Variants in KDM1A observed in about 807,000 individuals in gnomAD.
KDM1A encodes the protein lysine-specific histone demethylase 1A.
Under a neutral mutation model 109.4 loss-of-function variants are expected in KDM1A, and 49 were observed. The ratio of observed to expected loss-of-function variants is 0.45; its 90% CI spans 0.36 to 0.57. KDM1A has a LOEUF of 0.57. Among genes scored for constraint, KDM1A ranks in the 20% least tolerant of loss-of-function variants. The pLI, the probability that KDM1A is intolerant of heterozygous loss-of-function variation, is 0.00. For missense variants in KDM1A, 668 were observed against 1,116.6 expected (o/e 0.60, Z 5.73); for synonymous variants, 380 against 415.4 (o/e 0.91, Z 1.04).
chr1:23,048,028 T>A (rs1336932374), intron 3 of KDM1A, among the ~76,000 whole-genome samples: 3 of 152,234 alleles, frequency 2.0e-5, no homozygotes, highest in African/African-American at 7.2e-5. Context: ...CAGTGACTAC[T>A]TATTAAATGT....
intron 2 of KDM1A, among the ~76,000 whole-genome samples, chr1:23,038,158 C>A (rs1253792102): frequency 6.6e-6 from 1 of 152,086 alleles, no homozygotes; most frequent in Non-Finnish European, 1.5e-5. Context: ...CAGACAGACA[C>A]ACATACTGTG....
intron 1 of KDM1A, among the ~76,000 whole-genome samples, chr1:23,025,328 G>T (rs1641760125): frequency 9.1e-6 from 1 of 109,514 alleles, no homozygotes; most frequent in Admixed American, 9.0e-5. Context: ...GAAGATGAAA[G>T]ATTTTTTTTT....
intron 10 of KDM1A, 141 bp downstream of exon 10, chr1:23,066,212 T>C: frequency 1.6e-6 from 1 of 637,156 alleles, no homozygotes; most frequent in Non-Finnish European, 2.7e-6. Context: ...GTTGCGCCTA[T>C]ATGTTGGGCT....
chr1:23,081,307 T>A lies in KDM1A; in HGVS notation c.2171-139T>A, dbSNP rs1410379262. The A allele has an allele frequency of 3.2e-6, 3 of 951,370 alleles. No individual in the cohort carries two copies. In the East Asian group the frequency reaches 7.4e-5, roughly 23 times the overall value. The allele number at this position is 951,370 out of a possible 1,614,324, so 58.9% of individuals were successfully genotyped here. On this transcript the variant is annotated intron_variant, in intron 18 of 20. Transcript: ENST00000400181. ...TGTATGCTGTTTCAGAAACATAATC[T>A]GTCTCTTCGCATTTGAATGGTACTG...
At position 23,068,645 on chromosome 1, in the gene KDM1A, C is replaced by G; in HGVS notation, c.1286C>G (p.Pro429Arg). The G allele has an allele frequency of 6.3e-7, 1 of 1,591,884 alleles. No homozygotes were observed. Among genetic ancestry groups the G allele is most frequent in the South Asian group, 1.2e-5 (1 of 86,260 alleles). Reference sequence around the variant, plus strand: ...GACTTCAATGTCCTCAATAATAAGCCTGTGTCCCTTGGCCAGGCATTGGAA... The same window carrying G: ...GACTTCAATGTCCTCAATAATAAGCGTGTGTCCCTTGGCCAGGCATTGGAA... ...QLDFNVLNNK[P>R]VSLGQALEVV... The change falls in exon 11 of 21, where the codon CCT becomes CGT. Residue 429 changes from proline (P) to arginine (R), a missense_variant. Physicochemically the swap from Pro to Arg is moderately radical, Grantham distance 103 (BLOSUM62 -2). This residue lies in a region of KDM1A where 62 missense variants were observed against 82.8 expected (regional missense o/e 0.75). Transcript: ENST00000400181.
rs767499665 is a variant in KDM1A, at chr1:23,073,422, T to A, written c.1734+19T>A. The A allele has an allele frequency of 1.5e-6, 2 of 1,322,074 alleles. No individual in the cohort carries two copies. Among genetic ancestry groups the A allele is most frequent in the Non-Finnish European group, 2.2e-6 (2 of 915,512 alleles). 81.9% of individuals were successfully genotyped at this position (1,322,074 alleles called of 1,614,324 possible). ...GGATCAGGTAAGTTTCCCTTATTGT[T>A]TATTTTATTGCACATGCCTTTGAGA... On this transcript the variant is annotated intron_variant, in intron 15 of 20. Transcript: ENST00000400181.
chr1:23,055,845 A>C, intron 6 of KDM1A, 87 bp from the exon 7 acceptor site: 1 of 702,370 alleles, frequency 1.4e-6, no homozygotes, highest in Non-Finnish European at 2.3e-6. Flanking sequence ...TATTATGTTA[A>C]GAACCTAGAG....
intron 2 of KDM1A, chr1:23,044,221 A>G (rs1345543441): frequency 2.0e-6 from 1 of 505,926 alleles, no homozygotes; most frequent in African/African-American, 2.0e-5. Flanking sequence ...AACAAGAATC[A>G]ACATGTAAAG....
intron 1 of KDM1A, among the ~76,000 whole-genome samples, chr1:23,030,176 A>G (rs1641940027): frequency 6.6e-6 from 1 of 152,204 alleles, no homozygotes; most frequent in South Asian, 2.1e-4. Flanking sequence ...AGCATGATAC[A>G]CACAATTAAA....
At position 23,048,600 on chromosome 1, in the gene KDM1A, T is replaced by C. The variant is rs1642569943; in HGVS notation, c.578-1787T>C. ...TTTCTCCTGGTCTCTAAGAATAGTA[T>C]TTCTTAATGTGTGGCCCATGATTGG... On this transcript the variant is annotated intron_variant, in intron 3 of 20. Coordinates refer to ENST00000400181, the MANE Select transcript of KDM1A (RefSeq NM_001009999.3). Among the ~76,000 whole-genome samples, 4 of 152,164 alleles carry C rather than the reference T, an allele frequency of 2.6e-5. No individual in the cohort carries two copies. In the South Asian group the frequency reaches 6.2e-4, roughly 24 times the overall value.
intron 2 of KDM1A, among the ~76,000 whole-genome samples, chr1:23,040,186 A>G (rs1642265482): frequency 6.6e-6 from 1 of 152,222 alleles, no homozygotes; most frequent in Non-Finnish European, 1.5e-5. Context: ...ATTCCAAGAA[A>G]CTAGTCAAAA....
At position 23,050,410 on chromosome 1, in the gene KDM1A, A is replaced by C. The variant is rs1642632747; in HGVS notation, c.601A>C (p.Ser201Arg). Reference protein sequence around the residue: ...ASGVEGAAFQSRLPHDRMTSQ... With the variant: ...ASGVEGAAFQRRLPHDRMTSQ... ...AGGTGTGGAGGGCGCAGCTTTCCAG[A>C]GCCGACTTCCTCATGACCGGATGAC... Residue 201 changes from serine to arginine, a missense_variant, in exon 4 of 21, where the codon AGC becomes CGC. By Grantham distance (110) the Ser-to-Arg change is moderately radical. Around this residue, in one of 8 missense-constraint regions of KDM1A, gnomAD observed 149 missense variants for 189.7 expected, o/e 0.79. Transcript: ENST00000400181. 6.2e-7 allele frequency: 1 copy of C among 1,611,950 alleles called. No homozygotes were observed. The highest frequency in any genetic ancestry group is 8.5e-7 in the Non-Finnish European group (1 of 1,179,068).
intron 2 of KDM1A, among the ~76,000 whole-genome samples, chr1:23,037,629 A>G (rs1642188270): frequency 6.6e-6 from 1 of 152,198 alleles, no homozygotes; most frequent in African/African-American, 2.4e-5. Context: ...CATGTTGTAT[A>G]ATAGCTCTCT....
intron 4 of KDM1A, among the ~76,000 whole-genome samples, chr1:23,052,178 G>A (rs879509110): frequency 2.0e-5 from 3 of 152,218 alleles, no homozygotes; most frequent in Non-Finnish European, 4.4e-5. Flanking sequence ...GTTTCCCGAT[G>A]TTAGATTTGT....
At chr1:23,049,439 T>G (rs1642598024) in intron 3 of KDM1A, among the ~76,000 whole-genome samples, 1 of 152,022 alleles carries the variant, frequency 6.6e-6, no homozygotes, top group Non-Finnish European at 1.5e-5. Flanking sequence ...TAACATGTTT[T>G]TTGGGAGGTT....
At position 23,082,360 on chromosome 1, in the gene KDM1A, C is replaced by T. The variant is rs1439496958; in HGVS notation, c.2439C>T (p.Ala813=). The T allele has an allele frequency of 6.2e-7, 1 of 1,612,658 alleles. No individual in the cohort carries two copies. Among genetic ancestry groups the T allele is most frequent in the Non-Finnish European group, 8.5e-7 (1 of 1,179,154 alleles). The change falls in exon 20 of 21, where the codon GCC becomes GCT. Residue 813 remains alanine, a synonymous_variant. Transcript: ENST00000400181. Reference sequence around the variant, plus strand: ...CTCCTGGCCCCTCGATTCCAGGTGCCCCACAGGTGAGAAGCTGGCAAACTA... The same window carrying T: ...CTCCTGGCCCCTCGATTCCAGGTGCTCCACAGGTGAGAAGCTGGCAAACTA... ...PITPGPSIPG[A]PQPIPRLFFA...
At chr1:23,034,501 C>A (rs994743702) in intron 2 of KDM1A, among the ~76,000 whole-genome samples, 3 of 151,774 alleles carry the variant, frequency 2.0e-5, no homozygotes, top group Non-Finnish European at 2.9e-5. Flanking sequence ...AATGCCTTTC[C>A]TGTCTTTGCT....
chr1:23,023,291 C>T (rs919739133), intron 1 of KDM1A, among the ~76,000 whole-genome samples: 1 of 152,170 alleles, frequency 6.6e-6, no homozygotes, highest in African/African-American at 2.4e-5. Context: ...ATTGCCTTAT[C>T]CAATGTCACG....
chr1:23,082,225 A>C lies in KDM1A; in HGVS notation c.2304A>C (p.Lys768Asn). 6.2e-7 allele frequency: 1 copy of C among 1,612,960 alleles called. No homozygotes were observed. Among genetic ancestry groups the C allele is most frequent in the Non-Finnish European group, 8.5e-7 (1 of 1,179,712 alleles). The change falls in exon 20 of 21, where the codon AAA (lysine) becomes AAC (asparagine). Residue 768 changes from lysine to asparagine, a missense_variant. This residue lies in a region of KDM1A where 162 missense variants were observed against 376.4 expected (regional missense o/e 0.43). Transcript: ENST00000400181. Reference sequence around the variant, plus strand: ...GCTCCTGGTTTTTCTTTTAGCCCAAAGAAACTGTGGTGTCTCGTTGGCGTG... The same window carrying C: ...GCTCCTGGTTTTTCTTTTAGCCCAACGAAACTGTGGTGTCTCGTTGGCGTG... ...IFGSSAVPQP[K>N]ETVVSRWRAD...
Sources: gnomAD v4.1 joint callset for allele counts (sites outside exome capture counted in the v4.1 genomes callset) on GRCh38, gnomAD v4.1.1 for gene constraint, gnomAD v4.1.1 regional missense constraint, MANE v1.5 for transcripts, NCBI Gene and HGNC (gene_info 2026-07-23, HGNC 2026-07-21) for gene names.